EYS: variants seen among roughly 807,000 people sequenced by gnomAD.
EYS encodes the protein protein eyes shut homolog.
Under a neutral mutation model 282.1 loss-of-function variants are expected in EYS, and 250 were observed. The ratio of observed to expected loss-of-function variants is 0.89; its 90% CI spans 0.80 to 0.98. EYS has a LOEUF of 0.98. Among genes scored for constraint, EYS ranks in the 50% least tolerant of loss-of-function variants. EYS has a pLI of 0.00. For missense variants in EYS, 4,016 were observed against 3,709.0 expected (o/e 1.08, Z -2.15); for synonymous variants, 1,355 against 1,282.9 (o/e 1.06, Z -1.20).
intron 30 of EYS, among the ~76,000 whole-genome samples, chr6:64,292,806 T>C (rs1711679362): frequency 6.6e-6 from 1 of 152,098 alleles, no homozygotes. Flanking sequence ...ATAACATATA[T>C]GCTATGTATT....
intron 13 of EYS, among the ~76,000 whole-genome samples, chr6:64,999,647 T>C (rs552525782): frequency 1.1e-4 from 16 of 152,070 alleles, no homozygotes; most frequent in Non-Finnish European, 2.1e-4. Flanking sequence ...CAGACACACA[T>C]GTGGCTGGAT....
intron 19 of EYS, among the ~76,000 whole-genome samples, chr6:64,876,298 C>A (rs1766749389): frequency 6.6e-6 from 1 of 151,956 alleles, no homozygotes; most frequent in Non-Finnish European, 1.5e-5. Context: ...AATTTTATTT[C>A]TTATTGGTTA....
At chr6:64,447,459 ATT>A (rs59741593) in intron 26 of EYS, among the ~76,000 whole-genome samples, 1 of 150,450 alleles carries the variant, frequency 6.6e-6, no homozygotes, top group African/African-American at 2.4e-5. Context: ...TGAAATTCTG[ATT>A]TTTTTTTTCC....
chr6:65,264,545 T>C (rs73443115), intron 12 of EYS, among the ~76,000 whole-genome samples: 5,307 of 152,190 alleles, frequency 0.035, 127 homozygotes, highest in African/African-American at 0.065. Context: ...CAAATTTGGG[T>C]ACTTTCGGCC....
chr6:64,123,865 A>G (rs1319763475), intron 31 of EYS, among the ~76,000 whole-genome samples: 1 of 152,204 alleles, frequency 6.6e-6, no homozygotes, highest in Non-Finnish European at 1.5e-5. Flanking sequence ...ACCAGCAGCA[A>G]AATTTTGCAG....
At chr6:63,982,021 C>A (rs1380782087) in intron 35 of EYS, among the ~76,000 whole-genome samples, 2 of 151,798 alleles carry the variant, frequency 1.3e-5, no homozygotes, top group African/African-American at 4.8e-5. Context: ...TTTTCAAATA[C>A]ATATTAAATA....
chr6:65,383,763 G>C (rs1219784077), intron 8 of EYS, among the ~76,000 whole-genome samples: 1 of 151,576 alleles, frequency 6.6e-6, no homozygotes, highest in African/African-American at 2.4e-5. Context: ...AATACATATA[G>C]CTATTGTCTA....
chr6:64,099,015 A>T lies in EYS; in HGVS notation c.6425-17013T>A, dbSNP rs149201206. ...GTCATTGGTAATTATAAAAATTAGC[A>T]CCCAGAAAATTAGAGAACACTTATA... On this transcript the variant is annotated intron_variant, in intron 31 of 42. Transcript: ENST00000503581. Among the ~76,000 whole-genome samples the T allele has an allele frequency of 4.9e-3, 747 of 152,318 alleles. 5 individuals carry two copies. Among genetic ancestry groups the T allele is most frequent in the African/African-American group, 0.017 (714 of 41,570 alleles).
intron 12 of EYS, among the ~76,000 whole-genome samples, chr6:65,141,987 AAGAC>A (rs1764357245): frequency 1.3e-5 from 2 of 152,034 alleles, no homozygotes; most frequent in African/African-American, 4.8e-5. Flanking sequence ...CCCAAGAAGA[AAGAC>A]AGTACAATAT....
chr6:64,254,304 A>G (rs760199142), intron 30 of EYS, among the ~76,000 whole-genome samples: 1 of 152,102 alleles, frequency 6.6e-6, no homozygotes, highest in African/African-American at 2.4e-5. Context: ...AAGTAGCAAT[A>G]TAACAAAAAG....
intron 7 of EYS, among the ~76,000 whole-genome samples, chr6:65,393,497 CTA>C (rs1203844698): frequency 1.3e-5 from 2 of 151,972 alleles, no homozygotes; most frequent in Non-Finnish European, 2.9e-5. Flanking sequence ...TATGTGATTG[CTA>C]TTTTAAAAAT....
intron 12 of EYS, among the ~76,000 whole-genome samples, chr6:65,188,970 T>C (rs148240656): frequency 1.3e-5 from 2 of 151,664 alleles, no homozygotes; most frequent in Non-Finnish European, 3.0e-5. Flanking sequence ...TTGTGTAGTT[T>C]TAAGCCATAA....
intron 2 of EYS, among the ~76,000 whole-genome samples, chr6:65,566,947 G>A (rs571076769): frequency 6.6e-6 from 1 of 152,044 alleles, no homozygotes; most frequent in African/African-American, 2.4e-5. Context: ...ACATCATCAT[G>A]ATTTTAATAT....
At chr6:65,587,163 A>T (rs1390544478) in intron 2 of EYS, among the ~76,000 whole-genome samples, 4 of 152,070 alleles carry the variant, frequency 2.6e-5, no homozygotes, top group Non-Finnish European at 5.9e-5. Flanking sequence ...TTATAGTACA[A>T]TCCTTGCTGC....
At chr6:64,404,965 T>TA (rs1382800477) in intron 28 of EYS, among the ~76,000 whole-genome samples, 1 of 152,018 alleles carries the variant, frequency 6.6e-6, no homozygotes, top group African/African-American at 2.4e-5. Flanking sequence ...TAACTTTTTT[T>TA]AACACTCTTA....
At chr6:65,320,606 G>A (rs540827237) in intron 11 of EYS, among the ~76,000 whole-genome samples, 3 of 152,314 alleles carry the variant, frequency 2.0e-5, no homozygotes, top group African/African-American at 7.2e-5. Flanking sequence ...GGATCCAAGT[G>A]GCACATGGGA....
At chr6:64,306,705 T>G (rs1430457468) in intron 30 of EYS, among the ~76,000 whole-genome samples, 1 of 152,198 alleles carries the variant, frequency 6.6e-6, no homozygotes, top group Admixed American at 6.5e-5. Flanking sequence ...GAAGATGTTT[T>G]CTGATTGTGA....
At position 65,455,930 on chromosome 6, in the gene EYS, C is replaced by T. The variant is rs574468212; in HGVS notation, c.862+34664G>A. Among the ~76,000 whole-genome samples the T allele has an allele frequency of 2.7e-4, 39 of 145,994 alleles. No homozygotes were observed. In the East Asian group the frequency reaches 5.3e-3, roughly 20 times the overall value. ...AGTAGCACTACTTTGATTTTAATAC[C>T]GGACAAGGATGCAGGAAAGACGGAA... On this transcript the variant is annotated intron_variant, in intron 5 of 42. Transcript: ENST00000503581.
intron 40 of EYS, among the ~76,000 whole-genome samples, chr6:63,771,914 C>T (rs1421474661): frequency 6.6e-6 from 1 of 152,076 alleles, no homozygotes; most frequent in Non-Finnish European, 1.5e-5. Context: ...AAGTAGGCTC[C>T]TGTTGTCTTT....
Sources: gnomAD v4.1 joint callset for allele counts (sites outside exome capture counted in the v4.1 genomes callset) on GRCh38, gnomAD v4.1.1 for gene constraint, MANE v1.5 for transcripts, NCBI Gene and HGNC (gene_info 2026-07-23, HGNC 2026-07-21) for gene names.